CHMP3: variants seen among roughly 807,000 people sequenced by gnomAD.
CHMP3 encodes the protein charged multivesicular body protein 3.
In CHMP3, 8 loss-of-function variants were observed where a neutral mutation model predicts 27.4. The ratio of observed to expected loss-of-function variants is 0.29; its 90% confidence interval spans 0.17 to 0.53. The LOEUF is 0.53. Among genes scored for constraint, CHMP3 ranks in the 20% least tolerant of loss-of-function variants. CHMP3 has a pLI of 0.96. For synonymous variants in CHMP3, 86 were observed against 85.5 expected (o/e 1.01, Z -0.03); for missense variants, 208 against 271.5 (o/e 0.77, Z 1.64).
intron 1 of CHMP3, among the ~76,000 whole-genome samples, chr2:86,560,944 G>C (rs547599860): frequency 6.6e-6 from 1 of 152,130 alleles, no homozygotes; most frequent in Non-Finnish European, 1.5e-5. Context: ...AAAGGTGATA[G>C]TGCTAAACCA....
chr2:86,560,595 A>G (rs1261949477), intron 1 of CHMP3, among the ~76,000 whole-genome samples: 2 of 152,116 alleles, frequency 1.3e-5, no homozygotes, highest in African/African-American at 4.8e-5. Context: ...ATTAGCAAAA[A>G]TACCTAATGT....
At chr2:86,532,214 T>C (rs781409004) in intron 2 of CHMP3, among the ~76,000 whole-genome samples, 10 of 152,224 alleles carry the variant, frequency 6.6e-5, no homozygotes, top group Non-Finnish European at 1.3e-4. Flanking sequence ...TTGATGCTAT[T>C]GAGAATGGGT....
At chr2:86,560,870 GA>G (rs1188998848) in intron 1 of CHMP3, among the ~76,000 whole-genome samples, 1 of 152,058 alleles carries the variant, frequency 6.6e-6, no homozygotes, top group East Asian at 1.9e-4. Flanking sequence ...GAATGAGGGA[GA>G]AGGTGCTACA....
Position 86,563,370 on chromosome 2 carries a change from C to A in CHMP3, c.-22G>T. 2.5e-6 allele frequency: 4 copies of A among 1,613,086 alleles called. No individual in the cohort carries two copies. The highest frequency in any genetic ancestry group is 3.4e-6 in the Non-Finnish European group (4 of 1,179,480). On this transcript the variant is annotated 5_prime_UTR_variant, in exon 1 of 6. Transcript: ENST00000263856. Reference sequence around the variant, plus strand: ...CCATGACGAACTGAACCCGTCTTGCCCCTTCCGGCTTTCAGTTCCCCGCGC... The same window carrying A: ...CCATGACGAACTGAACCCGTCTTGCACCTTCCGGCTTTCAGTTCCCCGCGC...
At chr2:86,510,234 A>C in intron 4 of CHMP3, 124 bp downstream of exon 4, 1 of 1,425,148 alleles carries the variant, frequency 7.0e-7, no homozygotes, top group Admixed American at 2.4e-5. Flanking sequence ...GCTACTCCTT[A>C]AAATTAATTC....
chr2:86,514,963 C>A (rs1573243666), intron 3 of CHMP3, among the ~76,000 whole-genome samples: 1 of 152,002 alleles, frequency 6.6e-6, no homozygotes, highest in East Asian at 1.9e-4. Context: ...GCTAGTTGAC[C>A]ACATTTAAAA....
At chr2:86,522,054 C>T (rs116141095) in intron 3 of CHMP3, among the ~76,000 whole-genome samples, 294 of 152,302 alleles carry the variant, frequency 1.9e-3, no homozygotes, top group African/African-American at 6.4e-3. Flanking sequence ...ATCTGTCTTA[C>T]ACTGCAAGGA....
chr2:86,505,918 A>G lies in CHMP3; in HGVS notation c.555T>C (p.Thr185=), dbSNP rs779292438. 18 of 1,588,452 alleles carry G rather than the reference A, an allele frequency of 1.1e-5. No individual in the cohort carries two copies. The highest frequency in any genetic ancestry group is 8.6e-7 in the Non-Finnish European group (1 of 1,165,546). Residue 185 remains threonine, a synonymous_variant, in exon 6 of 6, where the codon ACT becomes ACC. Coordinates refer to ENST00000263856, the MANE Select transcript of CHMP3 (RefSeq NM_016079.4). ...GALGKAPSKV[T]DALPEPEPPG... ...GAGGTTCTGGCTCTGGAAGGGCATC[A>G]GTCACTTTACTGGGTGCTTTGCCCA... is the stretch of plus-strand genomic sequence containing the variant.
chr2:86,514,675 G>C (rs1462828963), intron 3 of CHMP3, among the ~76,000 whole-genome samples: 2 of 152,158 alleles, frequency 1.3e-5, no homozygotes, highest in East Asian at 1.9e-4. Flanking sequence ...ATGAATAAAT[G>C]AATCAATCTA....
chr2:86,516,424 G>C (rs917383429), intron 3 of CHMP3, among the ~76,000 whole-genome samples: 3 of 152,156 alleles, frequency 2.0e-5, no homozygotes, highest in African/African-American at 7.2e-5. Context: ...GAAAAGATTA[G>C]CCACTATGGA....
rs770673887 is a variant in CHMP3, at chr2:86,505,860, C to G, written c.613G>C (p.Glu205Gln). ...GAMAASEDEE[E>Q]EEEALEAMQS... ...ATGGCCTCCAGAGCCTCTTCCTCCTCCTCCTCATCCTCTGAGGCAGCCATC... is the reference window on the plus strand; with the variant it reads ...ATGGCCTCCAGAGCCTCTTCCTCCTGCTCCTCATCCTCTGAGGCAGCCATC... The change falls in exon 6 of 6, where the codon GAG becomes CAG. Residue 205 changes from glutamate to glutamine, a missense_variant. This residue lies in a region of CHMP3 where 62 missense variants were observed against 68.4 expected (regional missense o/e 0.91). Coordinates refer to ENST00000263856, the MANE Select transcript of CHMP3 (RefSeq NM_016079.4). The G allele has an allele frequency of 6.2e-7, 1 of 1,604,566 alleles. No homozygotes were observed. The highest frequency in any genetic ancestry group is 8.5e-7 in the Non-Finnish European group (1 of 1,175,440).
chr2:86,506,871 G>A (rs1300779605), intron 5 of CHMP3, among the ~76,000 whole-genome samples: 1 of 151,914 alleles, frequency 6.6e-6, no homozygotes, highest in African/African-American at 2.4e-5. Flanking sequence ...TCCCTCACAA[G>A]GTGTTGGGAT....
At chr2:86,563,181 C>A in intron 1 of CHMP3, 123 bp downstream of exon 1, 1 of 1,205,388 alleles carries the variant, frequency 8.3e-7, no homozygotes. Flanking sequence ...GAGTGGGAGT[C>A]CCCGGAAATG....
chr2:86,505,981 T>C lies in CHMP3; in HGVS notation c.524-32A>G, dbSNP rs769499425. On this transcript the variant is annotated intron_variant, in intron 5 of 5. Coordinates refer to ENST00000263856, the MANE Select transcript of CHMP3 (RefSeq NM_016079.4). ...AGAAAGAGCAAAGATGAACACCACA[T>C]TGGCTTAAGGAAGCAGCCCCTCAAT... 6.6e-6 allele frequency: 10 copies of C among 1,509,082 alleles called. No individual in the cohort carries two copies. The Admixed American group carries it at 8.1e-5, about 12-fold the overall frequency. The allele number at this position is 1,509,082 out of a possible 1,614,324, so 93.5% of individuals were successfully genotyped here.
At chr2:86,509,513 G>A (rs984545242) in intron 4 of CHMP3, among the ~76,000 whole-genome samples, 2 of 152,176 alleles carry the variant, frequency 1.3e-5, no homozygotes, top group Non-Finnish European at 2.9e-5. Flanking sequence ...GAGAGGAAGG[G>A]AGGTGATTTC....
At chr2:86,553,721 A>G (rs767029860) in intron 1 of CHMP3, among the ~76,000 whole-genome samples, 106 of 152,346 alleles carry the variant, frequency 7.0e-4, no homozygotes, top group Non-Finnish European at 1.2e-3. Flanking sequence ...CATACTGGGA[A>G]CACCTGGGAA....
intron 3 of CHMP3, among the ~76,000 whole-genome samples, chr2:86,521,565 C>T (rs183877821): frequency 6.6e-6 from 1 of 152,162 alleles, no homozygotes. Context: ...CAAACTGAAC[C>T]TCTGCACCAT....
At chr2:86,534,387 G>C (rs1156386698) in intron 2 of CHMP3, among the ~76,000 whole-genome samples, 1 of 151,734 alleles carries the variant, frequency 6.6e-6, no homozygotes, top group Non-Finnish European at 1.5e-5. Flanking sequence ...GTAGAGACAG[G>C]GTTTTGCCAA....
chr2:86,536,855 T>G (rs1676164104), intron 2 of CHMP3, among the ~76,000 whole-genome samples: 1 of 152,202 alleles, frequency 6.6e-6, no homozygotes, highest in African/African-American at 2.4e-5. Context: ...TACTTGATGA[T>G]GTCTGACAGG....
Sources: gnomAD v4.1 joint callset for allele counts (sites outside exome capture counted in the v4.1 genomes callset) on GRCh38, gnomAD v4.1.1 for gene constraint, gnomAD v4.1.1 regional missense constraint, MANE v1.5 for transcripts, NCBI Gene and HGNC (gene_info 2026-07-23, HGNC 2026-07-21) for gene names.